The following ROR2 variants were observed in gnomAD, a reference collection of about 807,000 sequenced individuals.
The protein encoded by ROR2 is ROR family WNT receptor 2, also known as tyrosine-protein kinase transmembrane receptor ROR2.
Under a neutral mutation model 74.9 loss-of-function variants are expected in ROR2, and 33 were observed. That is an observed-to-expected ratio of 0.44 (90% CI 0.33 to 0.59). The LOEUF (loss-of-function observed/expected upper bound fraction) is 0.59, where lower values mean the gene tolerates loss of function less well. Among genes scored for constraint, ROR2 ranks in the 20% least tolerant of loss-of-function variants. ROR2 has a pLI of 0.02. For missense variants in ROR2, 1,216 were observed against 1,313.8 expected, an observed-to-expected ratio of 0.93 and a Z score of 1.15; for synonymous variants, 586 against 558.7, an observed-to-expected ratio of 1.05 and a Z score of -0.69.
Position 91,724,385 on chromosome 9 carries a change from C to A in ROR2, c.2109G>T (p.Glu703Asp), listed in dbSNP as rs200805854. 1.4e-4 allele frequency: 218 copies of A among 1,614,116 alleles called. No homozygotes were observed. In the East Asian group the frequency reaches 4.6e-3, roughly 34 times the overall value. ...YCGYSNQDVV[E>D]MIRNRQVLPC... ...GCAGCACCTGCCGGTTCCGGATCAT[C>A]TCCACCACATCCTGGTTGGAGTACC... is the stretch of plus-strand genomic sequence containing the variant. Residue 703 changes from glutamate (E) to aspartate (D), a missense_variant, in exon 9 of 9, where the codon GAG becomes GAT. By Grantham distance (45) the Glu-to-Asp change is conservative. Coordinates refer to ENST00000375708, the MANE Select transcript of ROR2 (RefSeq NM_004560.4).
chr9:91,912,958 GTC>G (rs1213769126), intron 1 of ROR2, among the ~76,000 whole-genome samples: 3 of 152,132 alleles, frequency 2.0e-5, no homozygotes, highest in African/African-American at 7.2e-5. Flanking sequence ...GCGAAACCCT[GTC>G]TCTACTAAAA....
chr9:91,852,682 G>A lies in ROR2; in HGVS notation c.98-76864C>T, dbSNP rs76431438. 2.1e-4 allele frequency among the ~76,000 whole-genome samples: 30 copies of A among 143,848 alleles called. No individual in the cohort carries two copies. In the East Asian group the frequency reaches 4.0e-3, roughly 19 times the overall value. The allele number at this position is 143,848 out of a possible 152,430, so 94.4% of individuals were successfully genotyped here. A position where few individuals can be genotyped will look rare whatever the true frequency, so the allele number is the denominator to read the frequency against. On this transcript the variant is annotated intron_variant, in intron 1 of 8. Coordinates refer to ENST00000375708, the MANE Select transcript of ROR2 (RefSeq NM_004560.4). ...ACACAATGTAAGTCCATAAGAAGTCGGTAAAAAATAGGGTCCGTGTAACAG... is the reference window on the plus strand; with the variant it reads ...ACACAATGTAAGTCCATAAGAAGTCAGTAAAAAATAGGGTCCGTGTAACAG...
intron 1 of ROR2, among the ~76,000 whole-genome samples, chr9:91,780,623 T>C (rs552636984): frequency 4.7e-4 from 71 of 151,768 alleles, no homozygotes; most frequent in Admixed American, 4.6e-3. Flanking sequence ...AAATCCCATC[T>C]GTACTAAAAA....
At chr9:91,850,143 T>C (rs895960822) in intron 1 of ROR2, among the ~76,000 whole-genome samples, 1 of 152,244 alleles carries the variant, frequency 6.6e-6, no homozygotes, top group African/African-American at 2.4e-5. Context: ...TAAGGACAGC[T>C]GACTGTCCTC....
At chr9:91,775,335 C>T (rs896843652) in intron 2 of ROR2, among the ~76,000 whole-genome samples, 1 of 152,202 alleles carries the variant, frequency 6.6e-6, no homozygotes, top group Non-Finnish European at 1.5e-5. Context: ...TGGCTCTGAC[C>T]ACAGGCCCAG....
At chr9:91,739,357 A>T (rs1587672160) in intron 4 of ROR2, among the ~76,000 whole-genome samples, 1 of 151,828 alleles carries the variant, frequency 6.6e-6, no homozygotes, top group Admixed American at 6.6e-5. Flanking sequence ...AAATACAAAA[A>T]CTAGCTGGGC....
chr9:91,873,239 T>C (rs181707451), intron 1 of ROR2, among the ~76,000 whole-genome samples: 125 of 152,230 alleles, frequency 8.2e-4, no homozygotes, highest in Non-Finnish European at 1.5e-3. Flanking sequence ...ATCGGGCCCA[T>C]GTCCCACTAG....
chr9:91,774,120 A>G (rs1221750860), intron 2 of ROR2, among the ~76,000 whole-genome samples: 1 of 152,222 alleles, frequency 6.6e-6, no homozygotes, highest in Non-Finnish European at 1.5e-5. Context: ...TCTAACCAAC[A>G]AAAACTATTT....
intron 1 of ROR2, among the ~76,000 whole-genome samples, chr9:91,833,767 C>T (rs371197282): frequency 1.2e-4 from 18 of 152,144 alleles, no homozygotes; most frequent in African/African-American, 4.1e-4. Context: ...TCTGCTGGAG[C>T]ATCCCCTCTG....
chr9:91,923,456 C>T (rs1191422855), intron 1 of ROR2, among the ~76,000 whole-genome samples: 1 of 152,194 alleles, frequency 6.6e-6, no homozygotes, highest in South Asian at 2.1e-4. Flanking sequence ...ACACCCTGGG[C>T]ATCCTCCTAT....
chr9:91,757,974 C>T (rs1214065230), intron 2 of ROR2, among the ~76,000 whole-genome samples: 2 of 152,158 alleles, frequency 1.3e-5, no homozygotes, highest in Non-Finnish European at 2.9e-5. Context: ...TAAGGCATGT[C>T]GCAGCTTTCT....
chr9:91,799,952 G>A (rs761838330), intron 1 of ROR2, among the ~76,000 whole-genome samples: 3 of 152,216 alleles, frequency 2.0e-5, no homozygotes, highest in Non-Finnish European at 4.4e-5. Flanking sequence ...AGGAGTGAAG[G>A]GAGACACATG....
intron 4 of ROR2, among the ~76,000 whole-genome samples, chr9:91,739,240 C>T (rs930212406): frequency 4.6e-5 from 7 of 152,328 alleles, no homozygotes; most frequent in African/African-American, 1.7e-4. Flanking sequence ...GGCACAGTGG[C>T]TCGTGCCTGT....
intron 1 of ROR2, among the ~76,000 whole-genome samples, chr9:91,921,681 T>A (rs542132845): frequency 2.0e-5 from 3 of 152,034 alleles, no homozygotes; most frequent in Admixed American, 2.0e-4. Flanking sequence ...CTGGCCAACA[T>A]GGTGAAAGCC....
chr9:91,726,500 C>T (rs1406806032), intron 8 of ROR2, 41 bp downstream of exon 8: 1 of 1,584,732 alleles, frequency 6.3e-7, no homozygotes, highest in South Asian at 1.1e-5. Context: ...AGGATTAAAC[C>T]TGGAAGAGCC....
chr9:91,810,174 T>G (rs1347561468), intron 1 of ROR2, among the ~76,000 whole-genome samples: 1 of 152,174 alleles, frequency 6.6e-6, no homozygotes, highest in African/African-American at 2.4e-5. Context: ...GAGGCTACGG[T>G]GGCGACAGAA....
At position 91,726,712 on chromosome 9, in the gene ROR2, C is replaced by T. The variant is rs764732192; in HGVS notation, c.1215G>A (p.Leu405=). ...TTGCGATGCTGGGGACCAAGATGTA[C>T]AGAATCCCCATCTTGCTGCTGTCTC... ...SPRDSSKMGI[L]YILVPSIAIP... The change falls in exon 8 of 9, where the codon CTG becomes CTA. Residue 405 remains leucine (L), a synonymous_variant. Transcript: ENST00000375708. 1.9e-6 allele frequency: 3 copies of T among 1,614,036 alleles called. No individual in the cohort carries two copies. Among genetic ancestry groups the T allele is most frequent in the African/African-American group, 2.7e-5 (2 of 75,004 alleles).
Position 91,852,651 on chromosome 9 carries a change from C to CACACACACACACACACACACACA in ROR2, c.98-76834_98-76833insTGTGTGTGTGTGTGTGTGTGTGT, listed in dbSNP as rs1231343818. On this transcript the variant is annotated intron_variant, in intron 1 of 8. Coordinates refer to ENST00000375708, the MANE Select transcript of ROR2 (RefSeq NM_004560.4). ...CACACACACACACACACACACACAC[C>CACACACACACACACACACACACA]CACACACACAATGTAAGTCCATAAG... is the stretch of plus-strand genomic sequence containing the variant. Among the ~76,000 whole-genome samples, 530 of 143,214 alleles carry CACACACACACACACACACACACA rather than the reference C, an allele frequency of 3.7e-3. 14 individuals are homozygous for CACACACACACACACACACACACA. Among genetic ancestry groups the CACACACACACACACACACACACA allele is most frequent in the African/African-American group, 0.014 (510 of 36,878 alleles). 94.0% of individuals were successfully genotyped at this position (143,214 alleles called of 152,430 possible).
intron 1 of ROR2, among the ~76,000 whole-genome samples, chr9:91,777,621 G>A (rs564679174): frequency 8.6e-5 from 13 of 151,922 alleles, no homozygotes; most frequent in Admixed American, 7.2e-4. Flanking sequence ...GTTGTGCAAC[G>A]ATCACCACTA....
Sources: gnomAD v4.1 joint callset for allele counts (sites outside exome capture counted in the v4.1 genomes callset) on GRCh38, gnomAD v4.1.1 for gene constraint, MANE v1.5 for transcripts, NCBI Gene and HGNC (gene_info 2026-07-23, HGNC 2026-07-21) for gene names.